The following UPK1B variants were observed in gnomAD, a reference collection of about 807,000 sequenced individuals.
UPK1B encodes uroplakin 1B, also known as uroplakin-1b.
UPK1B carries 28 observed loss-of-function variants against 34.2 expected under a neutral mutation model. That is an observed-to-expected ratio of 0.82 (90% CI 0.61 to 1.12). The LOEUF (loss-of-function observed/expected upper bound fraction) is 1.12. Among genes scored for constraint, UPK1B ranks in the 50% most tolerant of loss-of-function variants. The pLI is 0.00. For synonymous variants in UPK1B, 81 were observed against 110.4 expected (o/e 0.73, Z 1.67); for missense variants, 325 against 320.9 (o/e 1.01, Z -0.10).
chr3:119,192,556 A>C (rs2107434406), intron 5 of UPK1B, among the ~76,000 whole-genome samples: 1 of 151,958 alleles, frequency 6.6e-6, no homozygotes, highest in South Asian at 2.1e-4. Context: ...TGCCTGCCAC[A>C]CCTCTTCTCA....
At chr3:119,185,865 G>A (rs1486869435) in intron 1 of UPK1B, among the ~76,000 whole-genome samples, 2 of 152,160 alleles carry the variant, frequency 1.3e-5, no homozygotes, top group Non-Finnish European at 2.9e-5. Flanking sequence ...GGAGGTGAGA[G>A]ACCCATGTTC....
chr3:119,186,821 A>G lies in UPK1B; in HGVS notation c.69+11A>G, dbSNP rs2078021342. ...AATGTGATTATTGGTGTAAGTAATG[A>G]TTATTTTCCAGGAAATTCTGCACTT... On this transcript the variant is annotated intron_variant, in intron 2 of 7. Coordinates refer to ENST00000264234, the MANE Select transcript of UPK1B (RefSeq NM_006952.4). 1 of 1,613,106 alleles carries G rather than the reference A, an allele frequency of 6.2e-7. No homozygotes were observed. Among genetic ancestry groups the G allele is most frequent in the Admixed American group, 1.7e-5 (1 of 59,964 alleles).
At position 119,200,657 on chromosome 3, in the gene UPK1B, G is replaced by A. The variant is rs535229227; in HGVS notation, c.732+1517G>A. On this transcript the variant is annotated intron_variant, in intron 7 of 7. Coordinates refer to ENST00000264234, the MANE Select transcript of UPK1B (RefSeq NM_006952.4). ...AGCAATGGAATGCTATCAAGTTCAC[G>A]GTGACAACTACAAGTTTTCCAAGGT... Among the ~76,000 whole-genome samples the A allele has an allele frequency of 1.2e-4, 18 of 152,186 alleles. 1 individual carries two copies. In the South Asian group the frequency reaches 1.2e-3, roughly 11 times the overall value.
intron 1 of UPK1B, among the ~76,000 whole-genome samples, chr3:119,185,572 A>G (rs980106527): frequency 2.0e-5 from 3 of 152,066 alleles, no homozygotes; most frequent in Admixed American, 1.3e-4. Flanking sequence ...GACTCTCACA[A>G]TATTTCATCT....
intron 1 of UPK1B, among the ~76,000 whole-genome samples, chr3:119,185,595 T>C (rs984880361): frequency 1.1e-4 from 17 of 152,172 alleles, no homozygotes; most frequent in African/African-American, 4.1e-4. Flanking sequence ...CTACATGTAG[T>C]ATAATTGTGT....
intron 1 of UPK1B, among the ~76,000 whole-genome samples, chr3:119,183,283 T>C (rs76788725): frequency 6.9e-6 from 1 of 145,452 alleles, no homozygotes; most frequent in African/African-American, 2.5e-5. Context: ...TTTTTTTTTT[T>C]TTGGAGATGG....
chr3:119,196,985 G>A (rs2078070623), intron 6 of UPK1B, among the ~76,000 whole-genome samples: 1 of 151,642 alleles, frequency 6.6e-6, no homozygotes, highest in Non-Finnish European at 1.5e-5. Flanking sequence ...CTAACTACAG[G>A]CATGTACCAC....
At chr3:119,197,753 G>GAT (rs1337758436) in intron 6 of UPK1B, among the ~76,000 whole-genome samples, 1 of 152,172 alleles carries the variant, frequency 6.6e-6, no homozygotes, top group Non-Finnish European at 1.5e-5. Flanking sequence ...ACAAATACAT[G>GAT]ATAAAATTCC....
At chr3:119,183,271 G>GTT (rs60512299) in intron 1 of UPK1B, among the ~76,000 whole-genome samples, 14 of 136,628 alleles carry the variant, frequency 1.0e-4, no homozygotes, top group East Asian at 6.3e-4. Flanking sequence ...CTTTTTTTTT[G>GTT]TTTTTTTTTT....
At chr3:119,179,603 G>A (rs1329969992) in intron 1 of UPK1B, among the ~76,000 whole-genome samples, 3 of 136,968 alleles carry the variant, frequency 2.2e-5, no homozygotes, top group East Asian at 2.3e-4. Context: ...TCGGCCTCCC[G>A]GGTTCACGCC....
chr3:119,187,278 C>A (rs2078023687), intron 2 of UPK1B, among the ~76,000 whole-genome samples: 2 of 152,034 alleles, frequency 1.3e-5, no homozygotes, highest in African/African-American at 4.8e-5. Context: ...GTTTTGGAGT[C>A]CAGAGCTCTT....
At chr3:119,203,278 T>C (rs1222581709) in intron 7 of UPK1B, among the ~76,000 whole-genome samples, 3 of 138,828 alleles carry the variant, frequency 2.2e-5, no homozygotes, top group African/African-American at 2.7e-5. Flanking sequence ...GAGGCGGAGC[T>C]TGCAGTGAGT....
chr3:119,190,958 T>C, intron 4 of UPK1B, 24 bp from the exon 5 acceptor site: 1 of 1,612,688 alleles, frequency 6.2e-7, no homozygotes, highest in Non-Finnish European at 8.5e-7. Flanking sequence ...TCTCTCCCTC[T>C]TGTGTTGCCT....
chr3:119,184,563 C>CAAAAAAAAAA (rs11369996), intron 1 of UPK1B, among the ~76,000 whole-genome samples: 2 of 117,208 alleles, frequency 1.7e-5, no homozygotes, highest in South Asian at 2.8e-4. Context: ...ACTAAAAATA[C>CAAAAAAAAAA]AAAAAAAAAA....
Position 119,201,503 on chromosome 3 carries a change from C to T in UPK1B, c.732+2363C>T, listed in dbSNP as rs143194945. On this transcript the variant is annotated intron_variant, in intron 7 of 7. Coordinates refer to ENST00000264234, the MANE Select transcript of UPK1B (RefSeq NM_006952.4). ...ATCTCATGAGACTTATTCCCTATCA[C>T]GAGAACGGCACAGAAAAAAACCCGG... Among the ~76,000 whole-genome samples, 821 of 152,234 alleles carry T rather than the reference C, an allele frequency of 5.4e-3. 7 individuals are homozygous for T. Among genetic ancestry groups the T allele is most frequent in the African/African-American group, 0.019 (776 of 41,534 alleles).
At chr3:119,179,505 G>GTTTTTTTTTTTTTTT (rs1293357139) in intron 1 of UPK1B, among the ~76,000 whole-genome samples, 4 of 45,244 alleles carry the variant, frequency 8.8e-5, no homozygotes, top group African/African-American at 2.9e-4. Context: ...TGATGTTGCA[G>GTTTTTTTTTTTTTTT]TCTTTTTTTT....
intron 6 of UPK1B, among the ~76,000 whole-genome samples, chr3:119,196,670 G>A (rs185761090): frequency 6.6e-6 from 1 of 151,292 alleles, no homozygotes; most frequent in East Asian, 1.9e-4. Flanking sequence ...CTCCCAAGTA[G>A]CTGGGACTAC....
Position 119,189,486 on chromosome 3 carries a change from C to T in UPK1B, c.271-759C>T, listed in dbSNP as rs1025828247. 4.6e-5 allele frequency among the ~76,000 whole-genome samples: 7 copies of T among 152,244 alleles called. No individual in the cohort carries two copies. In the South Asian group the frequency reaches 1.0e-3, roughly 23 times the overall value. On this transcript the variant is annotated intron_variant, in intron 3 of 7. Coordinates refer to ENST00000264234, the MANE Select transcript of UPK1B (RefSeq NM_006952.4). The stretch of plus-strand genomic sequence containing the variant: ...CCAGATTCAGAGGTCATTTGCTGTT[C>T]GGATATTTTCCAGCCAGAAATAGCA...
rs79413845 is a variant in UPK1B, at chr3:119,187,791, T to A, written c.86T>A (p.Leu29Gln). Residue 29 changes from leucine to glutamine, a missense_variant, in exon 3 of 8, where the codon CTG becomes CAG. Physicochemically the swap from Leu to Gln is moderately radical, Grantham distance 113 (BLOSUM62 -2). Coordinates refer to ENST00000264234, the MANE Select transcript of UPK1B (RefSeq NM_006952.4). ...TGCCCCCAGTGTTGCGGCATTGCCC[T>A]GACTGCGGAGTGCATCTTCTTTGTA... ...NVIIGCCGIA[L>Q]TAECIFFVSD... The A allele has an allele frequency of 7.2e-4, 1,156 of 1,605,148 alleles. 5 individuals are homozygous for A. In the African/African-American group the frequency reaches 0.014, roughly 20 times the overall value.
Sources: allele counts gnomAD v4.1 joint callset (sites outside exome capture counted in the v4.1 genomes callset), GRCh38; gene constraint gnomAD v4.1.1; transcripts MANE v1.5; gene names NCBI Gene and HGNC (gene_info 2026-07-23, HGNC 2026-07-21).